ARHGEF3: variants seen among roughly 807,000 people sequenced by gnomAD.
ARHGEF3 encodes the protein 59.8 kDA protein.
A neutral mutation model predicts 63.2 loss-of-function variants in ARHGEF3; 28 were observed. The ratio of observed to expected loss-of-function variants is 0.44; its 90% CI spans 0.33 to 0.61. ARHGEF3 has a LOEUF of 0.61. Among genes scored for constraint, ARHGEF3 ranks in the 20% least tolerant of loss-of-function variants. The pLI is 0.03. For synonymous variants in ARHGEF3, 266 were observed against 254.2 expected (o/e 1.05, Z -0.44); for missense variants, 533 against 659.3 (o/e 0.81, Z 2.10).
intron 1 of ARHGEF3, among the ~76,000 whole-genome samples, chr3:57,054,643 ATT>A (rs544195887): frequency 2.8e-4 from 34 of 121,084 alleles, no homozygotes; most frequent in Admixed American, 4.1e-4. Context: ...CATCTCAAAA[ATT>A]TTTTTTTTTT....
intron 2 of ARHGEF3, among the ~76,000 whole-genome samples, chr3:57,008,056 T>A (rs936949059): frequency 1.3e-5 from 2 of 152,190 alleles, no homozygotes; most frequent in Admixed American, 1.3e-4. Context: ...ACCACGAGAA[T>A]TTTTCTAGCC....
chr3:57,003,444 A>AT (rs563791298), intron 2 of ARHGEF3, among the ~76,000 whole-genome samples: 1 of 149,926 alleles, frequency 6.7e-6, no homozygotes, highest in South Asian at 2.1e-4. Context: ...TAACTTGCCA[A>AT]TATCACCAAG....
At chr3:57,052,005 A>G (rs2107306650) in intron 1 of ARHGEF3, among the ~76,000 whole-genome samples, 1 of 151,968 alleles carries the variant, frequency 6.6e-6, no homozygotes, top group East Asian at 1.9e-4. Context: ...TACCACCACC[A>G]TCTACTGAGT....
Position 56,951,985 on chromosome 3 carries a change from T to C in ARHGEF3, c.129+6838A>G, listed in dbSNP as rs145316190. On this transcript the variant is annotated intron_variant, in intron 3 of 12. Transcript: ENST00000338458. The stretch of plus-strand genomic sequence containing the variant: ...CTGTGTGGTAGGCAAAATTCTAAGA[T>C]GGTCCCCAAGATTCCCATCCTCTAG... 4.2e-3 allele frequency among the ~76,000 whole-genome samples: 646 copies of C among 152,076 alleles called. 11 individuals carry two copies. The highest frequency in any genetic ancestry group is 0.015 in the African/African-American group (621 of 41,356).
rs141804924 is a variant in ARHGEF3 at position 56,732,296 on chromosome 3, C to A, written c.1170G>T (p.Gln390His). The change falls in exon 9 of 10, where the codon CAG becomes CAT. Residue 390 changes from glutamine to histidine, a missense_variant. By Grantham distance (24) the Gln-to-His change is conservative. Coordinates refer to ENST00000296315, the MANE Select transcript of ARHGEF3 (RefSeq NM_019555.3). ...AGCCACCCAGCCTCACTTCTCCATC[C>A]TGGAGGTCTTCCAGCAGGAGGTCTT... ...PVKDLLLEDL[Q>H]DGEVRLGGSL... 6.2e-7 allele frequency: 1 copy of A among 1,614,100 alleles called. No individual in the cohort carries two copies. The highest frequency in any genetic ancestry group is 8.5e-7 in the Non-Finnish European group (1 of 1,180,042).
chr3:56,861,051 A>G (rs2040055920), intron 4 of ARHGEF3, among the ~76,000 whole-genome samples: 1 of 152,162 alleles, frequency 6.6e-6, no homozygotes, highest in South Asian at 2.1e-4. Flanking sequence ...TGGCTAGGAG[A>G]GGCCCCTGTG....
intron 2 of ARHGEF3, among the ~76,000 whole-genome samples, chr3:56,996,802 G>A (rs1430334327): frequency 6.6e-6 from 1 of 151,836 alleles, no homozygotes; most frequent in East Asian, 1.9e-4. Context: ...TGCAACCTGT[G>A]GCCCGCAGGC....
chr3:56,748,876 G>C (rs2034561215), intron 6 of ARHGEF3, among the ~76,000 whole-genome samples: 1 of 152,078 alleles, frequency 6.6e-6, no homozygotes, highest in Non-Finnish European at 1.5e-5. Context: ...GACTGGCCAG[G>C]GCTGTCCCAC....
At chr3:56,967,998 AATAT>A (rs1412757193) in intron 2 of ARHGEF3, among the ~76,000 whole-genome samples, 1 of 48,568 alleles carries the variant, frequency 2.1e-5, no homozygotes, top group African/African-American at 7.2e-5. Context: ...TAAAATATAT[AATAT>A]ATATTTTTAA....
chr3:56,905,232 T>C (rs1230451102), intron 3 of ARHGEF3, among the ~76,000 whole-genome samples: 2 of 152,210 alleles, frequency 1.3e-5, no homozygotes, highest in Non-Finnish European at 1.5e-5. Flanking sequence ...CAAAAGGGTA[T>C]AGGCACCATA....
At chr3:57,046,133 G>A (rs1246427624) in intron 1 of ARHGEF3, among the ~76,000 whole-genome samples, 1 of 152,186 alleles carries the variant, frequency 6.6e-6, no homozygotes, top group East Asian at 1.9e-4. Context: ...TGAAATCTAT[G>A]AGGCTCTAGT....
At chr3:56,798,930 T>C (rs1290501753) in intron 1 of ARHGEF3, among the ~76,000 whole-genome samples, 5 of 152,098 alleles carry the variant, frequency 3.3e-5, no homozygotes, top group Admixed American at 2.6e-4. Context: ...CAAACCCCCA[T>C]GTCATAAGAA....
rs760282382 is a variant in ARHGEF3 at position 56,751,174 on chromosome 3, A to G, written c.536-42T>C. The G allele has an allele frequency of 1.9e-6, 3 of 1,600,020 alleles. No homozygotes were observed. In the East Asian group the frequency reaches 6.7e-5, roughly 36 times the overall value. ...AGATGCTTATTTGTTAGGCATTCAAATATGAACAGGGCTGGAAGTAGGTTC... is the reference window on the plus strand; with the variant it reads ...AGATGCTTATTTGTTAGGCATTCAAGTATGAACAGGGCTGGAAGTAGGTTC... On this transcript the variant is annotated intron_variant, in intron 5 of 9. Transcript: ENST00000296315.
At chr3:56,800,106 G>A (rs1482531232) in intron 1 of ARHGEF3, among the ~76,000 whole-genome samples, 1 of 152,180 alleles carries the variant, frequency 6.6e-6, no homozygotes, top group African/African-American at 2.4e-5. Flanking sequence ...AAATTAAGCA[G>A]GCAAGTTTTA....
At chr3:56,970,284 C>T (rs1329309501) in intron 2 of ARHGEF3, among the ~76,000 whole-genome samples, 2 of 151,842 alleles carry the variant, frequency 1.3e-5, no homozygotes, top group Non-Finnish European at 2.9e-5. Context: ...AAAATATTTT[C>T]GGGCAAAATA....
At chr3:57,015,125 A>G (rs1413590422) in intron 2 of ARHGEF3, among the ~76,000 whole-genome samples, 1 of 152,202 alleles carries the variant, frequency 6.6e-6, no homozygotes, top group Non-Finnish European at 1.5e-5. Context: ...CAGTTTACAT[A>G]ACGTTTTACT....
At chr3:57,011,393 C>A (rs1702695205) in intron 2 of ARHGEF3, among the ~76,000 whole-genome samples, 1 of 152,194 alleles carries the variant, frequency 6.6e-6, no homozygotes, top group Admixed American at 6.5e-5. Context: ...CCACTGCCCA[C>A]ATTCAAATAT....
In ARHGEF3 at chr3:56,971,870, T is replaced by A. The variant is rs187602878; in HGVS notation, c.63-12981A>T. On this transcript the variant is annotated intron_variant, in intron 2 of 12. Coordinates refer to the ARHGEF3 transcript ENST00000338458. ...CTCCATCTCAAAAAATAAAAAAAAA[T>A]TTTAAAAAGCACTTTGGGTTATACA... 1.6e-3 allele frequency among the ~76,000 whole-genome samples: 237 copies of A among 151,470 alleles called. 5 individuals are homozygous for A. The East Asian group carries it at 0.038, about 24-fold the overall frequency.
At chr3:56,905,009 A>G (rs1004234550) in intron 3 of ARHGEF3, among the ~76,000 whole-genome samples, 9 of 152,158 alleles carry the variant, frequency 5.9e-5, no homozygotes, top group African/African-American at 2.2e-4. Context: ...CTGGGTACAT[A>G]TGGATGACTG....
Sources: allele counts gnomAD v4.1 joint callset (sites outside exome capture counted in the v4.1 genomes callset), GRCh38; gene constraint gnomAD v4.1.1; transcripts MANE v1.5; gene names NCBI Gene and HGNC (gene_info 2026-07-23, HGNC 2026-07-21).